Variants in INPP4B observed in about 807,000 individuals in gnomAD.
The protein encoded by INPP4B is inositol polyphosphate 4-phosphatase type II.
A neutral mutation model predicts 122.5 loss-of-function variants in INPP4B; 55 were observed. The observed-to-expected ratio is 0.45, with a 90% CI of 0.36 to 0.56. The LOEUF is 0.56. INPP4B is among the 20% of genes least tolerant of loss of function. INPP4B has a pLI of 0.00. For synonymous variants in INPP4B, 403 were observed against 388.7 expected, an observed-to-expected ratio of 1.04 and a Z score of -0.43; for missense variants, 1,000 against 1,097.7, an observed-to-expected ratio of 0.91 and a Z score of 1.26.
chr4:142,203,188 T>C (rs976133694), intron 14 of INPP4B, among the ~76,000 whole-genome samples: 2 of 152,064 alleles, frequency 1.3e-5, no homozygotes, highest in African/African-American at 4.8e-5. Context: ...GCTCACAAAG[T>C]AAAACCATAG....
At position 142,115,500 on chromosome 4, in the gene INPP4B, C is replaced by T. The variant is rs575138166; in HGVS notation, c.2136-2818G>A. 5.5e-4 allele frequency among the ~76,000 whole-genome samples: 83 copies of T among 152,166 alleles called. 1 individual carries two copies. Among genetic ancestry groups the T allele is most frequent in the African/African-American group, 1.9e-3 (79 of 41,510 alleles). On this transcript the variant is annotated intron_variant, in intron 21 of 25. Transcript: ENST00000262992. ...CTACAAGCCAGAAGATAGTGGGGGC[C>T]AATATTCAACATTCTTAAAGAAAAG...
At chr4:142,554,457 A>G (rs1728715723) in intron 2 of INPP4B, among the ~76,000 whole-genome samples, 1 of 152,054 alleles carries the variant, frequency 6.6e-6, no homozygotes, top group Admixed American at 6.5e-5. Context: ...AGGAATATAA[A>G]GCAACTCTGC....
At chr4:142,633,808 G>A (rs930855987) in intron 2 of INPP4B, among the ~76,000 whole-genome samples, 1 of 152,016 alleles carries the variant, frequency 6.6e-6, no homozygotes, top group Non-Finnish European at 1.5e-5. Flanking sequence ...ACATAAAATA[G>A]ATTAATTGAA....
chr4:142,125,887 G>A (rs1798426614), intron 18 of INPP4B, among the ~76,000 whole-genome samples: 1 of 152,098 alleles, frequency 6.6e-6, no homozygotes, highest in African/African-American at 2.4e-5. Context: ...TTAATTGAAT[G>A]AGAAAAGTTA....
intron 2 of INPP4B, among the ~76,000 whole-genome samples, chr4:142,599,457 T>C (rs1200450127): frequency 1.3e-5 from 2 of 152,164 alleles, no homozygotes; most frequent in Non-Finnish European, 2.9e-5. Flanking sequence ...GAGAATATGC[T>C]ATGGCACACA....
chr4:142,294,288 G>T (rs1388826298), intron 9 of INPP4B, among the ~76,000 whole-genome samples: 1 of 151,282 alleles, frequency 6.6e-6, no homozygotes, highest in East Asian at 2.0e-4. Flanking sequence ...CATCTTAACT[G>T]GAGTAGGAAT....
At chr4:142,599,218 A>G (rs1467676315) in intron 2 of INPP4B, among the ~76,000 whole-genome samples, 1 of 152,034 alleles carries the variant, frequency 6.6e-6, no homozygotes, top group African/African-American at 2.4e-5. Context: ...GCCACTACTG[A>G]AATCCAGGTA....
intron 14 of INPP4B, among the ~76,000 whole-genome samples, chr4:142,194,334 T>A (rs1027590661): frequency 7.2e-5 from 11 of 152,178 alleles, no homozygotes; most frequent in Admixed American, 5.2e-4. Flanking sequence ...CTTATTAAGA[T>A]AGCAGAACAT....
At chr4:142,586,061 T>C (rs114712439) in intron 2 of INPP4B, among the ~76,000 whole-genome samples, 1 of 151,886 alleles carries the variant, frequency 6.6e-6, no homozygotes, top group East Asian at 1.9e-4. Context: ...TGTAATCCCA[T>C]CACCTTGAGA....
At chr4:142,691,176 A>G (rs1388479547) in intron 2 of INPP4B, among the ~76,000 whole-genome samples, 1 of 152,114 alleles carries the variant, frequency 6.6e-6, no homozygotes, top group East Asian at 1.9e-4. Flanking sequence ...TTTAGTTGCA[A>G]CTATCACCAT....
intron 25 of INPP4B, among the ~76,000 whole-genome samples, chr4:142,067,848 T>A (rs13435221): frequency 3.3e-5 from 5 of 152,106 alleles, no homozygotes; most frequent in Non-Finnish European, 7.4e-5. Flanking sequence ...ACCAAATCTA[T>A]GTCTGATTGG....
At chr4:142,733,572 G>A (rs2150889260) in intron 1 of INPP4B, among the ~76,000 whole-genome samples, 1 of 152,142 alleles carries the variant, frequency 6.6e-6, no homozygotes, top group Middle Eastern at 3.4e-3. Flanking sequence ...AAATTACAAT[G>A]AGATGTCACT....
At chr4:142,819,925 C>T (rs757192956) in intron 1 of INPP4B, among the ~76,000 whole-genome samples, 7 of 152,156 alleles carry the variant, frequency 4.6e-5, no homozygotes, top group East Asian at 1.9e-4. Context: ...GAATCTGCCT[C>T]GAGCCGAGGC....
intron 2 of INPP4B, among the ~76,000 whole-genome samples, chr4:142,504,692 T>C (rs1027973247): frequency 1.3e-5 from 2 of 152,166 alleles, no homozygotes; most frequent in Non-Finnish European, 2.9e-5. Flanking sequence ...GCTTTACCAG[T>C]TGATCTAGAA....
intron 2 of INPP4B, among the ~76,000 whole-genome samples, chr4:142,624,556 A>G (rs375762551): frequency 0.014 from 2,063 of 151,740 alleles, 36 homozygotes; most frequent in African/African-American, 0.039. Flanking sequence ...GAGGTACAAG[A>G]AGGAACTTGT....
At chr4:142,168,921 G>A (rs1353061466) in intron 16 of INPP4B, among the ~76,000 whole-genome samples, 1 of 151,480 alleles carries the variant, frequency 6.6e-6, no homozygotes, top group African/African-American at 2.4e-5. Flanking sequence ...CTACAGCCTA[G>A]GAACTGCCCT....
chr4:142,126,359 A>G (rs1324782684), intron 18 of INPP4B, among the ~76,000 whole-genome samples: 1 of 152,156 alleles, frequency 6.6e-6, no homozygotes, highest in Non-Finnish European at 1.5e-5. Context: ...AATAATAAAA[A>G]GAATCACAAT....
chr4:142,793,246 T>C (rs537825136), intron 1 of INPP4B, among the ~76,000 whole-genome samples: 15 of 152,194 alleles, frequency 9.9e-5, no homozygotes, highest in African/African-American at 3.4e-4. Context: ...AAACAATTAA[T>C]AAGGAACAAG....
At chr4:142,269,895 G>A (rs1251879652) in intron 10 of INPP4B, among the ~76,000 whole-genome samples, 1 of 152,030 alleles carries the variant, frequency 6.6e-6, no homozygotes, top group African/African-American at 2.4e-5. Context: ...AGAAATTATA[G>A]TGTATAAAAT....
Sources: allele counts gnomAD v4.1 joint callset (sites outside exome capture counted in the v4.1 genomes callset), GRCh38; gene constraint gnomAD v4.1.1; transcripts MANE v1.5; gene names NCBI Gene and HGNC (gene_info 2026-07-23, HGNC 2026-07-21).